The following MYO18B variants were observed in gnomAD, a reference collection of about 807,000 sequenced individuals.
MYO18B encodes myosin XVIIIB, also known as unconventional myosin-XVIIIb.
In MYO18B, 204 loss-of-function variants were observed where a neutral mutation model predicts 273.0. The ratio of observed to expected loss-of-function variants is 0.75; its 90% confidence interval spans 0.67 to 0.84. The LOEUF (loss-of-function observed/expected upper bound fraction) is 0.84. Ranked by LOEUF, MYO18B falls within the 40% of genes least tolerant of loss-of-function variation. The pLI, the probability that MYO18B is intolerant of heterozygous loss-of-function variation, is 0.00. For missense variants in MYO18B, 3,212 were observed against 3,287.6 expected (o/e 0.98, Z 0.56); for synonymous variants, 1,330 against 1,305.7 (o/e 1.02, Z -0.40).
intron 26 of MYO18B, 93 bp from the exon 27 acceptor site, chr22:25,891,211 G>A (rs1270792087): frequency 8.4e-6 from 8 of 952,798 alleles, no homozygotes; most frequent in South Asian, 1.6e-5. Flanking sequence ...GCAGAGGGTG[G>A]CCAATCCGAG....
chr22:26,041,479 C>G, the MYO18B span, among the ~76,000 whole-genome samples: 1 of 151,930 alleles, frequency 6.6e-6, no homozygotes, highest in Non-Finnish European at 1.5e-5. Context: ...TTGCAGGGAA[C>G]CAAGACTGTG....
At chr22:25,899,988 C>G (rs1156513182) in intron 29 of MYO18B, 1 of 152,240 alleles carries the variant, frequency 6.6e-6, no homozygotes, top group Non-Finnish European at 1.5e-5. Flanking sequence ...AGAGGCCTAA[C>G]TGAGGGTTTC....
At chr22:25,962,977 T>G (rs935963005) in intron 39 of MYO18B, among the ~76,000 whole-genome samples, 1 of 152,140 alleles carries the variant, frequency 6.6e-6, no homozygotes, top group Non-Finnish European at 1.5e-5. Flanking sequence ...TCCTTCTTTC[T>G]CATTGCAGCT....
chr22:26,038,467 A>G, the MYO18B span, among the ~76,000 whole-genome samples: 1 of 152,054 alleles, frequency 6.6e-6, no homozygotes, highest in Non-Finnish European at 1.5e-5. Flanking sequence ...CTGGAATCTC[A>G]ATTGCTTCCT....
intron 22 of MYO18B, among the ~76,000 whole-genome samples, chr22:25,869,185 A>G (rs1193221911): frequency 6.6e-6 from 1 of 152,164 alleles, no homozygotes; most frequent in Non-Finnish European, 1.5e-5. Context: ...GTGTTGGCTC[A>G]TGCCTGTAAT....
chr22:25,796,486 C>T (rs1381063951), intron 11 of MYO18B, among the ~76,000 whole-genome samples: 1 of 151,864 alleles, frequency 6.6e-6, no homozygotes, highest in African/African-American at 2.4e-5. Flanking sequence ...GTCCCAGCCA[C>T]TTGGGAAGCT....
At chr22:25,861,328 C>T (rs1318319958) in intron 21 of MYO18B, among the ~76,000 whole-genome samples, 1 of 152,178 alleles carries the variant, frequency 6.6e-6, no homozygotes, top group Non-Finnish European at 1.5e-5. Flanking sequence ...TGGTTAGGTA[C>T]AGACATATTT....
chr22:25,821,859 G>A (rs1035444645), intron 12 of MYO18B, among the ~76,000 whole-genome samples: 1 of 152,148 alleles, frequency 6.6e-6, no homozygotes, highest in Non-Finnish European at 1.5e-5. Flanking sequence ...GCTCAACCAT[G>A]GTAGAAAATT....
At chr22:25,863,941 A>T (rs541909399) in intron 21 of MYO18B, among the ~76,000 whole-genome samples, 36 of 152,288 alleles carry the variant, frequency 2.4e-4, no homozygotes, top group Admixed American at 6.5e-4. Context: ...AATTTCTGGC[A>T]TGTTTAAGGT....
At chr22:26,040,146 G>A in the MYO18B span, among the ~76,000 whole-genome samples, 1 of 152,126 alleles carries the variant, frequency 6.6e-6, no homozygotes, top group Non-Finnish European at 1.5e-5. Context: ...ACTTCACTTA[G>A]AATAATGGCC....
chr22:26,000,477 C>T (rs1274419057), intron 40 of MYO18B, among the ~76,000 whole-genome samples: 2 of 151,530 alleles, frequency 1.3e-5, no homozygotes, highest in African/African-American at 4.9e-5. Context: ...GACCAATAAC[C>T]TGTGACTTAC....
At chr22:25,752,242 C>T (rs2085951644) in intron 1 of MYO18B, among the ~76,000 whole-genome samples, 1 of 148,076 alleles carries the variant, frequency 6.8e-6, no homozygotes, top group South Asian at 2.1e-4. Flanking sequence ...GGCTGGAGTG[C>T]AGTGGCGGGA....
intron 7 of MYO18B, among the ~76,000 whole-genome samples, chr22:25,776,120 A>G (rs966869558): frequency 1.3e-5 from 2 of 152,246 alleles, no homozygotes; most frequent in Middle Eastern, 3.2e-3. Context: ...TAAAAAACCC[A>G]TATAAATGGC....
intron 39 of MYO18B, among the ~76,000 whole-genome samples, chr22:25,990,691 A>C (rs2093256652): frequency 1.5e-5 from 1 of 64,756 alleles, no homozygotes; most frequent in Admixed American, 1.1e-4. Flanking sequence ...TGTCTCAAAA[A>C]AAAAAAAAAA....
At chr22:25,897,378 A>T (rs8141245) in intron 28 of MYO18B, 1 of 152,178 alleles carries the variant, frequency 6.6e-6, no homozygotes, top group Non-Finnish European at 1.5e-5. Flanking sequence ...CTCTATGCTG[A>T]TGGTGATGAT....
At chr22:25,994,230 G>A (rs1305423759) in intron 40 of MYO18B, among the ~76,000 whole-genome samples, 5 of 152,232 alleles carry the variant, frequency 3.3e-5, no homozygotes, top group African/African-American at 7.2e-5. Flanking sequence ...ACTTTGGGAA[G>A]CTAAGGCGGG....
At chr22:25,963,178 T>TCTCTCTCTCACA (rs774304270) in intron 39 of MYO18B, among the ~76,000 whole-genome samples, 10 of 144,064 alleles carry the variant, frequency 6.9e-5, no homozygotes, top group African/African-American at 2.1e-4. Context: ...TCTCTCTCTC[T>TCTCTCTCTCACA]CACACACACA....
chr22:25,815,600 C>A (rs2088965029), intron 12 of MYO18B, among the ~76,000 whole-genome samples: 1 of 152,198 alleles, frequency 6.6e-6, no homozygotes, highest in Non-Finnish European at 1.5e-5. Flanking sequence ...TTTGGACAAT[C>A]AGCTTCCAGT....
At chr22:25,821,462 C>T (rs1001470055) in intron 12 of MYO18B, among the ~76,000 whole-genome samples, 9 of 152,146 alleles carry the variant, frequency 5.9e-5, no homozygotes, top group Middle Eastern at 3.4e-3. Flanking sequence ...GTTTTAAGGA[C>T]GACACTATTA....
Sources: allele counts gnomAD v4.1 joint callset (sites outside exome capture counted in the v4.1 genomes callset), GRCh38; gene constraint gnomAD v4.1.1; transcripts MANE v1.5; gene names NCBI Gene and HGNC (gene_info 2026-07-23, HGNC 2026-07-21).